The following POU6F2 variants were observed in gnomAD, a reference collection of about 807,000 sequenced individuals.
POU6F2 encodes POU class 6 homeobox 2.
In POU6F2, 31 loss-of-function variants were observed where a neutral mutation model predicts 71.3. The ratio of observed to expected loss-of-function variants is 0.43; its 90% CI spans 0.33 to 0.59. POU6F2 has a LOEUF of 0.59. POU6F2 is among the 20% of genes least tolerant of loss of function. POU6F2 has a pLI of 0.04. For missense variants in POU6F2, 783 were observed against 856.8 expected (o/e 0.91, Z 1.07); for synonymous variants, 347 against 355.7 (o/e 0.98, Z 0.27).
At chr7:39,077,374 G>A (rs1345225293) in intron 1 of POU6F2, among the ~76,000 whole-genome samples, 1 of 152,212 alleles carries the variant, frequency 6.6e-6, no homozygotes, top group African/African-American at 2.4e-5. Flanking sequence ...CCAACTGTGT[G>A]CTAGATACTT....
chr7:39,207,396 T>C lies in POU6F2; in HGVS notation c.374T>C (p.Leu125Pro). The change falls in exon 4 of 10, where the codon CTT becomes CCT. Residue 125 changes from leucine to proline, a missense_variant. By Grantham distance (98) the Leu-to-Pro change is moderately conservative. Transcript: ENST00000518318. ...HPPFPVGPQP[L>P]LTAQQLASAV... ...GCTGTATCTGTTTCCTTGCAGCCAC[T>C]TCTGACGGCACAGCAGTTAGCTTCT... 1 of 1,613,742 alleles carries C rather than the reference T, an allele frequency of 6.2e-7. No homozygotes were observed. The highest frequency in any genetic ancestry group is 1.3e-5 in the African/African-American group (1 of 75,058).
chr7:39,032,755 A>G (rs1262198958), intron 1 of POU6F2, among the ~76,000 whole-genome samples: 2 of 152,188 alleles, frequency 1.3e-5, no homozygotes, highest in East Asian at 1.9e-4. Flanking sequence ...CACACAGGCC[A>G]TATTTTTTAA....
At chr7:39,250,879 C>T (rs893535320) in intron 4 of POU6F2, among the ~76,000 whole-genome samples, 4 of 152,180 alleles carry the variant, frequency 2.6e-5, no homozygotes, top group South Asian at 2.1e-4. Context: ...TAAAAAATCA[C>T]GGTGCCAAGC....
intron 1 of POU6F2, among the ~76,000 whole-genome samples, chr7:39,077,925 C>T (rs1007530327): frequency 6.6e-6 from 1 of 152,186 alleles, no homozygotes; most frequent in African/African-American, 2.4e-5. Context: ...ATACAGTGTT[C>T]ATCTGACTAG....
rs118160111 is a variant in POU6F2, at chr7:39,260,894, G to A, written c.598+53274G>A. On this transcript the variant is annotated intron_variant, in intron 4 of 9. Coordinates refer to ENST00000518318, the MANE Select transcript of POU6F2 (RefSeq NM_001370959.1). ...ACCACAGACTCCACACACCATACAC[G>A]CCACCTACACATATATATCATATTA... Among the ~76,000 whole-genome samples the A allele has an allele frequency of 7.6e-3, 1,144 of 150,310 alleles. 63 individuals carry two copies. The East Asian group carries it at 0.14, about 18-fold the overall frequency.
intron 5 of POU6F2, among the ~76,000 whole-genome samples, chr7:39,388,234 C>T (rs915867177): frequency 6.6e-6 from 1 of 152,226 alleles, no homozygotes; most frequent in African/African-American, 2.4e-5. Context: ...TAGGCGTCAT[C>T]ACAGTCCCCA....
chr7:39,234,048 A>G (rs1287945994), intron 4 of POU6F2, among the ~76,000 whole-genome samples: 1 of 152,128 alleles, frequency 6.6e-6, no homozygotes, highest in Non-Finnish European at 1.5e-5. Flanking sequence ...CATCTTTGGC[A>G]CGCATATGCT....
At chr7:39,321,214 A>G (rs766003997) in intron 4 of POU6F2, among the ~76,000 whole-genome samples, 1 of 152,232 alleles carries the variant, frequency 6.6e-6, no homozygotes, top group African/African-American at 2.4e-5. Context: ...AAACCACAAG[A>G]TAAGGGGGCA....
intron 2 of POU6F2, among the ~76,000 whole-genome samples, chr7:39,139,330 A>G (rs564644532): frequency 6.6e-6 from 1 of 152,284 alleles, no homozygotes; most frequent in South Asian, 2.1e-4. Context: ...GACTGGGCTT[A>G]GGAGATCATT....
Position 38,991,532 on chromosome 7 carries a change from T to C in POU6F2, c.105+13474T>C, listed in dbSNP as rs562814055. ...AGAGGAAAAAGATCAAATTCACATATAGGACTAGAGGCCATGAATGTCATA... is the reference window on the plus strand; with the variant it reads ...AGAGGAAAAAGATCAAATTCACATACAGGACTAGAGGCCATGAATGTCATA... On this transcript the variant is annotated intron_variant, in intron 1 of 9. Transcript: ENST00000518318. Among the ~76,000 whole-genome samples, 3 of 152,240 alleles carry C rather than the reference T, an allele frequency of 2.0e-5. No individual in the cohort carries two copies. The South Asian group carries it at 6.2e-4, about 32-fold the overall frequency.
intron 5 of POU6F2, among the ~76,000 whole-genome samples, chr7:39,349,003 G>A (rs1018833220): frequency 6.6e-6 from 1 of 152,038 alleles, no homozygotes; most frequent in Admixed American, 6.6e-5. Context: ...AATCCTTCAG[G>A]AACCACTGCT....
At chr7:38,996,057 T>TTTTTTTG (rs1788728464) in intron 1 of POU6F2, among the ~76,000 whole-genome samples, 8 of 88,878 alleles carry the variant, frequency 9.0e-5, no homozygotes, top group African/African-American at 2.6e-4. Context: ...TTTTTTTTTT[T>TTTTTTTG]AGACAGAATT....
chr7:39,455,200 A>G (rs1788771402), intron 8 of POU6F2, among the ~76,000 whole-genome samples: 1 of 152,196 alleles, frequency 6.6e-6, no homozygotes, highest in Non-Finnish European at 1.5e-5. Context: ...AGAAATAGGT[A>G]GGTTTAGGGT....
intron 1 of POU6F2, among the ~76,000 whole-genome samples, chr7:39,055,029 G>T (rs1323529949): frequency 1.3e-5 from 2 of 152,072 alleles, no homozygotes; most frequent in East Asian, 3.9e-4. Context: ...TATTTAAAAA[G>T]ATCACTTTGG....
rs571634676 is a variant in POU6F2, at chr7:39,303,257, C to T, written c.599-36385C>T. On this transcript the variant is annotated intron_variant, in intron 4 of 9. Coordinates refer to ENST00000518318, the MANE Select transcript of POU6F2 (RefSeq NM_001370959.1). ...CCGCCTCCCGGGCTCGTGCCATTCTCCTGCCTTAGCCTCCTGAGTAGCTGG... is the reference window on the plus strand; with the variant it reads ...CCGCCTCCCGGGCTCGTGCCATTCTTCTGCCTTAGCCTCCTGAGTAGCTGG... Among the ~76,000 whole-genome samples, 13 of 152,276 alleles carry T rather than the reference C, an allele frequency of 8.5e-5. No homozygotes were observed. In the South Asian group the frequency reaches 2.5e-3, roughly 29 times the overall value.
At chr7:39,413,627 G>A (rs1393663893) in intron 6 of POU6F2, among the ~76,000 whole-genome samples, 1 of 152,048 alleles carries the variant, frequency 6.6e-6, no homozygotes, top group African/African-American at 2.4e-5. Flanking sequence ...ATTTTAAAAG[G>A]TGTAAAAATT....
intron 5 of POU6F2, among the ~76,000 whole-genome samples, chr7:39,401,506 T>C (rs545361624): frequency 6.6e-6 from 1 of 152,358 alleles, no homozygotes; most frequent in African/African-American, 2.4e-5. Context: ...AGTATTTGTC[T>C]ACTGATAATT....
At chr7:39,060,033 C>G (rs1412064051) in intron 1 of POU6F2, among the ~76,000 whole-genome samples, 1 of 152,022 alleles carries the variant, frequency 6.6e-6, no homozygotes. Flanking sequence ...GATGGTGAAA[C>G]CCCGTCTCTA....
chr7:39,356,853 A>G (rs1462895417), intron 5 of POU6F2, among the ~76,000 whole-genome samples: 1 of 152,204 alleles, frequency 6.6e-6, no homozygotes. Context: ...TCTCTGCATT[A>G]TCTTCACAGT....
Sources: allele counts gnomAD v4.1 joint callset (sites outside exome capture counted in the v4.1 genomes callset), GRCh38; gene constraint gnomAD v4.1.1; transcripts MANE v1.5; gene names NCBI Gene and HGNC (gene_info 2026-07-23, HGNC 2026-07-21).